Variants in EDIL3 observed in about 807,000 individuals in gnomAD.
EDIL3 encodes EGF like and discoidin domains 3.
In EDIL3, 37 loss-of-function variants were observed where a neutral mutation model predicts 67.4. The ratio of observed to expected loss-of-function variants is 0.55; its 90% CI spans 0.42 to 0.72. The LOEUF (loss-of-function observed/expected upper bound fraction) is 0.72. Ranked by LOEUF, EDIL3 falls within the 30% of genes least tolerant of loss-of-function variation. The pLI is 0.00. For synonymous variants in EDIL3, 195 were observed against 196.3 expected (o/e 0.99, Z 0.05); for missense variants, 527 against 586.3 (o/e 0.90, Z 1.04).
chr5:84,284,485 C>T (rs1445748), intron 1 of EDIL3, among the ~76,000 whole-genome samples: 85,447 of 151,884 alleles, frequency 0.56, 24,285 homozygotes, highest in East Asian at 0.82. Context: ...CTGACTTTAT[C>T]ACCAGCACCT....
chr5:84,280,096 C>A (rs1425669043), intron 1 of EDIL3, among the ~76,000 whole-genome samples: 2 of 152,148 alleles, frequency 1.3e-5, no homozygotes, highest in African/African-American at 2.4e-5. Context: ...GTAAGAGAGG[C>A]AAAATGTAAT....
rs1166321121 is a variant in EDIL3, at chr5:84,284,302, C to T, written c.68-30090G>A. Among the ~76,000 whole-genome samples the T allele has an allele frequency of 2.0e-5, 3 of 152,130 alleles. No individual in the cohort carries two copies. The East Asian group carries it at 5.8e-4, about 29-fold the overall frequency. ...CTTTATCTCTTCATTGTGAAGTGACCTTTCCAAGTCCCAGTTGTCTTCTTT... is the reference window on the plus strand; with the variant it reads ...CTTTATCTCTTCATTGTGAAGTGACTTTTCCAAGTCCCAGTTGTCTTCTTT... On this transcript the variant is annotated intron_variant, in intron 1 of 10. Transcript: ENST00000296591.
At chr5:84,008,074 A>G (rs1217827831) in intron 9 of EDIL3, among the ~76,000 whole-genome samples, 1 of 152,140 alleles carries the variant, frequency 6.6e-6, no homozygotes, top group African/African-American at 2.4e-5. Flanking sequence ...GGAGCTAAAA[A>G]CTAAAACAAT....
At chr5:84,154,561 T>C (rs1010122228) in intron 4 of EDIL3, among the ~76,000 whole-genome samples, 3 of 151,854 alleles carry the variant, frequency 2.0e-5, no homozygotes, top group Non-Finnish European at 4.4e-5. Flanking sequence ...TTATAGTTTT[T>C]TTTTCTGGAA....
In EDIL3 at chr5:83,945,387, G is replaced by T. The variant is rs76700792; in HGVS notation, c.1294-1819C>A. ...ATGTTGGATTCAAATATTTCACTGA[G>T]ATTGTGGTATTACAATTTAATACGG... On this transcript the variant is annotated intron_variant, in intron 10 of 10. Transcript: ENST00000296591. Among the ~76,000 whole-genome samples the T allele has an allele frequency of 2.3e-3, 356 of 152,034 alleles. 4 individuals carry two copies. The East Asian group carries it at 0.038, about 16-fold the overall frequency.
intron 1 of EDIL3, among the ~76,000 whole-genome samples, chr5:84,312,379 G>C (rs188242085): frequency 1.0e-4 from 14 of 135,454 alleles, no homozygotes; most frequent in Non-Finnish European, 6.2e-5. Flanking sequence ...GGCCGGGCGG[G>C]GGGCTGACTC....
chr5:83,980,367 T>C lies in EDIL3; in HGVS notation c.1138-17007A>G, dbSNP rs147347397. ...TTAGGTAAGAAAATTAAATAAAAGG[T>C]ATCTGGATTGGAAAAAAGTAAATCT... On this transcript the variant is annotated intron_variant, in intron 9 of 10. Transcript: ENST00000296591. Among the ~76,000 whole-genome samples the C allele has an allele frequency of 2.0e-5, 3 of 151,988 alleles. No individual in the cohort carries two copies. The East Asian group carries it at 5.8e-4, about 29-fold the overall frequency.
intron 3 of EDIL3, among the ~76,000 whole-genome samples, chr5:84,224,468 T>A (rs1349243129): frequency 6.6e-6 from 1 of 151,470 alleles, no homozygotes; most frequent in Admixed American, 6.6e-5. Flanking sequence ...CCAAGGGACA[T>A]AGAAATAAGT....
chr5:84,080,115 C>CAAAAA (rs10566347), intron 6 of EDIL3, among the ~76,000 whole-genome samples: 31 of 52,956 alleles, frequency 5.9e-4, no homozygotes, highest in African/African-American at 7.9e-4. Flanking sequence ...ACTAAAAATA[C>CAAAAA]AAAAAAAAAA....
At chr5:84,271,103 G>A (rs1223420843) in intron 1 of EDIL3, among the ~76,000 whole-genome samples, 1 of 152,124 alleles carries the variant, frequency 6.6e-6, no homozygotes, top group Non-Finnish European at 1.5e-5. Context: ...TAAAAGAAGA[G>A]AAATAGACCT....
intron 1 of EDIL3, among the ~76,000 whole-genome samples, chr5:84,374,255 T>C (rs981114943): frequency 6.6e-6 from 1 of 151,098 alleles, no homozygotes; most frequent in African/African-American, 2.4e-5. Flanking sequence ...AGTAAAGTAG[T>C]ACAGAAGAAA....
At chr5:84,112,530 G>A (rs977157115) in intron 5 of EDIL3, among the ~76,000 whole-genome samples, 44 of 152,278 alleles carry the variant, frequency 2.9e-4, no homozygotes, top group African/African-American at 1.0e-3. Flanking sequence ...CATTCTTGCT[G>A]TTGGATTGAA....
At chr5:83,984,908 C>T (rs1049870228) in intron 9 of EDIL3, among the ~76,000 whole-genome samples, 1 of 151,284 alleles carries the variant, frequency 6.6e-6, no homozygotes, top group Non-Finnish European at 1.5e-5. Flanking sequence ...AGCATTAAGC[C>T]AGGTATGCTA....
intron 9 of EDIL3, among the ~76,000 whole-genome samples, chr5:84,029,133 T>A (rs1471370704): frequency 6.6e-6 from 1 of 152,130 alleles, no homozygotes; most frequent in Non-Finnish European, 1.5e-5. Context: ...GGCAGGTGCC[T>A]GTAGTCCCAG....
At chr5:84,022,639 G>C (rs1398252430) in intron 9 of EDIL3, among the ~76,000 whole-genome samples, 1 of 151,070 alleles carries the variant, frequency 6.6e-6, no homozygotes, top group Non-Finnish European at 1.5e-5. Context: ...AATAAGCCAG[G>C]CACAGACAGA....
intron 9 of EDIL3, among the ~76,000 whole-genome samples, chr5:84,053,263 G>A (rs1746376022): frequency 6.6e-6 from 1 of 152,158 alleles, no homozygotes; most frequent in African/African-American, 2.4e-5. Context: ...AAACCAATGA[G>A]AACAAAGACA....
intron 2 of EDIL3, among the ~76,000 whole-genome samples, chr5:84,238,995 C>T (rs60576706): frequency 0.036 from 5,428 of 152,100 alleles, 322 homozygotes; most frequent in African/African-American, 0.12. Context: ...ATCCAATCTG[C>T]GGACCAAAAA....
At chr5:84,097,579 G>A (rs1375891185) in intron 6 of EDIL3, among the ~76,000 whole-genome samples, 1 of 152,002 alleles carries the variant, frequency 6.6e-6, no homozygotes, top group Non-Finnish European at 1.5e-5. Flanking sequence ...TATCTTTTCT[G>A]GATTCAGAGC....
chr5:84,081,840 T>C (rs1243603858), intron 6 of EDIL3, among the ~76,000 whole-genome samples: 1 of 150,130 alleles, frequency 6.7e-6, no homozygotes, highest in African/African-American at 2.5e-5. Context: ...GATGGGGAGG[T>C]GCATTACTTC....
Sources: gnomAD v4.1 joint callset for allele counts (sites outside exome capture counted in the v4.1 genomes callset) on GRCh38, gnomAD v4.1.1 for gene constraint, MANE v1.5 for transcripts, NCBI Gene and HGNC (gene_info 2026-07-23, HGNC 2026-07-21) for gene names.